Variants in PLXNA2 observed in about 807,000 individuals in gnomAD.
The protein encoded by PLXNA2 is plexin A2.
A neutral mutation model predicts 193.5 loss-of-function variants in PLXNA2; 91 were observed. The ratio of observed to expected loss-of-function variants is 0.47; its 90% CI spans 0.40 to 0.56. The LOEUF is 0.56. Ranked by LOEUF, PLXNA2 falls within the 20% of genes least tolerant of loss-of-function variation. The pLI, the probability that PLXNA2 is intolerant of heterozygous loss-of-function variation, is 0.00. For synonymous variants in PLXNA2, 997 were observed against 1,027.3 expected, an observed-to-expected ratio of 0.97 and a Z score of 0.56; for missense variants, 1,995 against 2,503.2, an observed-to-expected ratio of 0.80 and a Z score of 4.33.
chr1:208,159,821 G>A (rs752500789), intron 3 of PLXNA2, among the ~76,000 whole-genome samples: 5 of 152,242 alleles, frequency 3.3e-5, no homozygotes, highest in Non-Finnish European at 4.4e-5. Context: ...GAAGCCAGGG[G>A]CTGGTGAGTG....
chr1:208,037,136 G>T (rs777242782), intron 26 of PLXNA2, among the ~76,000 whole-genome samples: 1 of 152,130 alleles, frequency 6.6e-6, no homozygotes, highest in Non-Finnish European at 1.5e-5. Flanking sequence ...CGCAAGTCAG[G>T]GTTGTTATCT....
chr1:208,070,405 G>T (rs986438253), intron 12 of PLXNA2, among the ~76,000 whole-genome samples: 12 of 152,098 alleles, frequency 7.9e-5, no homozygotes, highest in South Asian at 2.1e-4. Context: ...TCCCCTCTTG[G>T]CCTTGCCCCT....
chr1:208,172,937 A>G (rs1195729062), intron 3 of PLXNA2, among the ~76,000 whole-genome samples: 1 of 152,226 alleles, frequency 6.6e-6, no homozygotes, highest in Non-Finnish European at 1.5e-5. Context: ...CAGGCCTGAG[A>G]GGGAGAAGAT....
Position 208,022,873 on chromosome 1 carries a change from T to G in PLXNA2, c.*4370A>C, listed in dbSNP as rs1050805486. ...CACGAGAGGCTGAGGAATCTCCAGT[T>G]TGCTTATTGGGTGGAGGCCCTGTAT... On this transcript the variant is annotated 3_prime_UTR_variant, in exon 32 of 32. Coordinates refer to ENST00000367033, the MANE Select transcript of PLXNA2 (RefSeq NM_025179.4). 7 of 152,194 alleles carry G rather than the reference T, an allele frequency of 4.6e-5. No individual in the cohort carries two copies. The highest frequency in any genetic ancestry group is 1.4e-4 in the African/African-American group (6 of 41,438). 9.4% of individuals were successfully genotyped at this position (152,194 alleles called of 1,614,324 possible).
At position 208,216,814 on chromosome 1, in the gene PLXNA2, C is replaced by T. The variant is rs748090782; in HGVS notation, c.1109G>A (p.Arg370His). 42 of 1,614,026 alleles carry T rather than the reference C, an allele frequency of 2.6e-5. No individual in the cohort carries two copies. Among genetic ancestry groups the T allele is most frequent in the Admixed American group, 1.0e-4 (6 of 60,002 alleles). Residue 370 changes from arginine to histidine, a missense_variant, in exon 2 of 32, where the codon CGC becomes CAC. Arg to His is a conservative substitution (Grantham distance 29). Around this residue, in one of 3 missense-constraint regions of PLXNA2, gnomAD observed 702 missense variants for 812.9 expected, o/e 0.86. Coordinates refer to ENST00000367033, the MANE Select transcript of PLXNA2 (RefSeq NM_025179.4). ...CTCGCCCTGGTAGCAGGACTGCAGG[C>T]GCTCCTTGATCTGCAAGTTGATGGC... ...IRAINLQIKERLQSCYQGEGN... is the reference protein window; with the variant it reads ...IRAINLQIKEHLQSCYQGEGN...
rs368956739 is a variant in PLXNA2 at position 208,043,251 on chromosome 1, G to A, written c.3875-48C>T. The A allele has an allele frequency of 6.3e-6, 10 of 1,595,028 alleles. No homozygotes were observed. In the African/African-American group the frequency reaches 1.1e-4, roughly 17 times the overall value. On this transcript the variant is annotated intron_variant, in intron 20 of 31. Transcript: ENST00000367033. ...AGGCTCGTGGGGAAGCCCCAGTCGG[G>A]GGAGGAGAAAGAGGGAGAAGAAGTT...
chr1:208,047,500 G>A (rs987408571), intron 17 of PLXNA2, among the ~76,000 whole-genome samples: 2 of 152,232 alleles, frequency 1.3e-5, no homozygotes, highest in Non-Finnish European at 2.9e-5. Flanking sequence ...CCAGACTGCA[G>A]AAACCACTAA....
At chr1:208,235,543 C>T (rs1231866072) in intron 1 of PLXNA2, among the ~76,000 whole-genome samples, 1 of 152,206 alleles carries the variant, frequency 6.6e-6, no homozygotes, top group African/African-American at 2.4e-5. Flanking sequence ...GGGGCAGGAG[C>T]CAATTCTGCC....
At chr1:208,228,385 C>T (rs1671576715) in intron 1 of PLXNA2, among the ~76,000 whole-genome samples, 2 of 152,180 alleles carry the variant, frequency 1.3e-5, no homozygotes, top group Non-Finnish European at 2.9e-5. Context: ...CACCAGGAAT[C>T]CTCGTGCTGC....
chr1:208,216,505 TA>T (rs1349527764), intron 2 of PLXNA2, among the ~76,000 whole-genome samples: 16 of 152,362 alleles, frequency 1.1e-4, no homozygotes, highest in African/African-American at 3.8e-4. Context: ...TGATGTGATG[TA>T]GGCACTCAAT....
At chr1:208,040,100 G>A (rs1481185500) in intron 22 of PLXNA2, 42 bp from the exon 23 acceptor site, 1 of 1,516,014 alleles carries the variant, frequency 6.6e-7, no homozygotes, top group Non-Finnish European at 9.2e-7. Context: ...CTTCACAGAG[G>A]GGTCTCCGTG....
intron 3 of PLXNA2, among the ~76,000 whole-genome samples, chr1:208,155,533 G>A (rs660668): frequency 0.28 from 42,981 of 152,174 alleles, 7,060 homozygotes; most frequent in Non-Finnish European, 0.37. Context: ...AGGGACTGGA[G>A]TCATTAACTG....
rs189234271 is a variant in PLXNA2 at position 208,115,934 on chromosome 1, C to G, written c.1507-12687G>C. Among the ~76,000 whole-genome samples the G allele has an allele frequency of 1.7e-4, 26 of 152,316 alleles. No individual in the cohort carries two copies. The East Asian group carries it at 4.0e-3, about 24-fold the overall frequency. ...AATATAAAACAACAAGAAAACTCTG[C>G]CTATCTCAGGAAGTTTATAGTCCAA... On this transcript the variant is annotated intron_variant, in intron 4 of 31. Coordinates refer to ENST00000367033, the MANE Select transcript of PLXNA2 (RefSeq NM_025179.4).
At chr1:208,089,498 G>T (rs1666642147) in intron 9 of PLXNA2, among the ~76,000 whole-genome samples, 1 of 152,164 alleles carries the variant, frequency 6.6e-6, no homozygotes, top group African/African-American at 2.4e-5. Flanking sequence ...CAGGGCTGTT[G>T]CAAGAATCCA....
chr1:208,093,785 G>T (rs1666788539), intron 8 of PLXNA2, among the ~76,000 whole-genome samples: 1 of 152,184 alleles, frequency 6.6e-6, no homozygotes, highest in Non-Finnish European at 1.5e-5. Context: ...TGGAGACTGT[G>T]TATATTCTTT....
chr1:208,101,680 T>C (rs1230995224), intron 5 of PLXNA2, among the ~76,000 whole-genome samples: 3 of 152,106 alleles, frequency 2.0e-5, no homozygotes, highest in African/African-American at 7.2e-5. Flanking sequence ...TTGTTCAAGA[T>C]GGGGAAAACA....
At chr1:208,085,761 G>A (rs1666498906) in intron 9 of PLXNA2, among the ~76,000 whole-genome samples, 1 of 152,124 alleles carries the variant, frequency 6.6e-6, no homozygotes, top group South Asian at 2.1e-4. Context: ...TCTGAACTCT[G>A]TGGTTCTTGC....
At chr1:208,029,772 AAT>A in intron 29 of PLXNA2, 1 of 985,574 alleles carries the variant, frequency 1.0e-6, no homozygotes, top group South Asian at 4.7e-5. Flanking sequence ...ACCAGAGGAG[AAT>A]GAGTTTTCTC....
At chr1:208,233,332 CT>C (rs1198619308) in intron 1 of PLXNA2, among the ~76,000 whole-genome samples, 3 of 152,182 alleles carry the variant, frequency 2.0e-5, no homozygotes, top group Non-Finnish European at 4.4e-5. Context: ...AGGAACGTAT[CT>C]TTTTTTCTTC....
Sources: allele counts gnomAD v4.1 joint callset (sites outside exome capture counted in the v4.1 genomes callset), GRCh38; gene constraint gnomAD v4.1.1; regional missense constraint gnomAD v4.1.1; transcripts MANE v1.5; gene names NCBI Gene and HGNC (gene_info 2026-07-23, HGNC 2026-07-21).